The following COX15 variants were observed in gnomAD, a reference collection of about 807,000 sequenced individuals.
COX15 encodes the protein cytochrome c oxidase assembly factor COX15, also known as heme A synthase COX15.
COX15 carries 51 observed loss-of-function variants against 51.9 expected under a neutral mutation model. The observed-to-expected ratio is 0.98, with a 90% CI of 0.78 to 1.24. The LOEUF (loss-of-function observed/expected upper bound fraction) is 1.24. Ranked by LOEUF, COX15 falls within the 50% of genes most tolerant of loss-of-function variation. COX15 has a pLI of 0.00. For synonymous variants in COX15, 188 were observed against 190.5 expected, an observed-to-expected ratio of 0.99 and a Z score of 0.11; for missense variants, 420 against 501.1, an observed-to-expected ratio of 0.84 and a Z score of 1.55.
At chr10:99,728,027 G>C (rs1045560848) in intron 2 of COX15, among the ~76,000 whole-genome samples, 1 of 152,148 alleles carries the variant, frequency 6.6e-6, no homozygotes, top group Admixed American at 6.5e-5. Flanking sequence ...AAGGTATTTT[G>C]AAATAAGGGA....
chr10:99,703,687 T>A, the COX15 span, among the ~76,000 whole-genome samples: 1 of 152,156 alleles, frequency 6.6e-6, no homozygotes, highest in African/African-American at 2.4e-5. Context: ...TTTAGATATA[T>A]CCTAGATCCT....
the COX15 span, chr10:99,700,800 G>A: frequency 1.9e-4 from 126 of 661,156 alleles, 1 homozygote; most frequent in Non-Finnish European, 3.0e-4. Context: ...ATGGGATGAC[G>A]GGAATAAACA....
At chr10:99,719,173 T>G (rs1364982453) in intron 6 of COX15, among the ~76,000 whole-genome samples, 1 of 152,160 alleles carries the variant, frequency 6.6e-6, no homozygotes, top group Non-Finnish European at 1.5e-5. Flanking sequence ...TGATCCATTA[T>G]TTATTATCAA....
Position 99,713,494 on chromosome 10 carries a change from T to C in COX15, c.*1093A>G, listed in dbSNP as rs376504979. On this transcript the variant is annotated 3_prime_UTR_variant, in exon 9 of 9. Transcript: ENST00000016171. ...AAGACAGGGCCCTATGAAATATCAA[T>C]AGAGACCAAAATCACATTAATTCAG... 29 of 1,609,122 alleles carry C rather than the reference T, an allele frequency of 1.8e-5. No individual in the cohort carries two copies. Among genetic ancestry groups the C allele is most frequent in the Non-Finnish European group, 2.3e-5 (27 of 1,177,452 alleles).
intron 5 of COX15, 134 bp downstream of exon 5, chr10:99,723,822 G>T: frequency 5.3e-6 from 5 of 950,746 alleles, no homozygotes; most frequent in South Asian, 2.8e-5. Flanking sequence ...TTTTCAATTT[G>T]TTTCACCTTT....
chr10:99,710,692 C>T (rs1221558840), downstream of COX15: 2 of 985,242 alleles, frequency 2.0e-6, no homozygotes, highest in Admixed American at 6.1e-5. Flanking sequence ...TATAACCCAC[C>T]ATTCATCCCA....
At position 99,713,168 on chromosome 10, in the gene COX15, A is replaced by G; in HGVS notation, c.*1419T>C. Reference sequence around the variant, plus strand: ...GTACCACTAATTTTTCTGTTATCATATAATAACAACATGAATACTACTTGG... The same window carrying G: ...GTACCACTAATTTTTCTGTTATCATGTAATAACAACATGAATACTACTTGG... On this transcript the variant is annotated 3_prime_UTR_variant, in exon 9 of 9. Transcript: ENST00000016171. The G allele has an allele frequency of 7.4e-7, 1 of 1,359,366 alleles. No individual in the cohort carries two copies. Among genetic ancestry groups the G allele is most frequent in the Non-Finnish European group, 9.5e-7 (1 of 1,052,080 alleles). The allele number at this position is 1,359,366 out of a possible 1,614,324, so 84.2% of individuals were successfully genotyped here.
the COX15 span, among the ~76,000 whole-genome samples, chr10:99,701,277 G>A: frequency 7.7e-6 from 1 of 129,058 alleles, no homozygotes; most frequent in Non-Finnish European, 1.6e-5. Flanking sequence ...CAAGTGATTT[G>A]ACAACAAAAG....
At chr10:99,715,701 T>C (rs928636424) in intron 8 of COX15, among the ~76,000 whole-genome samples, 6 of 151,918 alleles carry the variant, frequency 3.9e-5, no homozygotes, top group African/African-American at 1.5e-4. Context: ...TGACTCATGC[T>C]CTCACCAGGA....
intron 8 of COX15, among the ~76,000 whole-genome samples, 169 bp from the exon 9 acceptor site, chr10:99,714,887 G>C (rs563465753): frequency 6.6e-6 from 1 of 152,096 alleles, no homozygotes; most frequent in Admixed American, 6.5e-5. Context: ...AAAGAAATTC[G>C]AACAAAATTG....
intron 8 of COX15, among the ~76,000 whole-genome samples, chr10:99,715,232 G>A (rs1317780288): frequency 6.6e-6 from 1 of 151,994 alleles, no homozygotes; most frequent in Non-Finnish European, 1.5e-5. Flanking sequence ...CCACTTCCAG[G>A]GCTCAAGCAA....
downstream of COX15, chr10:99,709,204 T>TTC: frequency 1.0e-6 from 1 of 985,446 alleles, no homozygotes; most frequent in Non-Finnish European, 1.2e-6. Context: ...AAGAACTTCG[T>TTC]TGTAATTCTT....
chr10:99,718,994 G>A (rs897358784), intron 6 of COX15, among the ~76,000 whole-genome samples: 1 of 152,034 alleles, frequency 6.6e-6, no homozygotes, highest in African/African-American at 2.4e-5. Context: ...TTTTCTTCAT[G>A]GCACTAAATA....
At chr10:99,729,813 C>T (rs180837299) in intron 1 of COX15, 79 bp from the exon 2 acceptor site, 41 of 1,379,520 alleles carry the variant, frequency 3.0e-5, no homozygotes, top group Middle Eastern at 2.1e-4. Context: ...TTCTGATTAG[C>T]GCGAAGTACC....
At position 99,716,450 on chromosome 10, in the gene COX15, T is replaced by C. The variant is rs1489030252; in HGVS notation, c.999A>G (p.Ser333=). The change falls in exon 8 of 9, where the codon TCA becomes TCG. Residue 333 remains serine (S), a synonymous_variant. Coordinates refer to ENST00000016171, the MANE Select transcript of COX15 (RefSeq NM_078470.6). ...QFDHRILGIT[S]VTAITVLYFL... ...AGTAGAGCACTGTAATGGCAGTGAC[T>C]GAAGTGATTCCCTGCAGGGAAGAAA... 7 of 1,610,736 alleles carry C rather than the reference T, an allele frequency of 4.3e-6. No individual in the cohort carries two copies. Among genetic ancestry groups the C allele is most frequent in the Non-Finnish European group, 5.9e-6 (7 of 1,177,090 alleles).
chr10:99,698,672 G>C, the COX15 span: 1 of 1,614,114 alleles, frequency 6.2e-7, no homozygotes, highest in Non-Finnish European at 8.5e-7. Context: ...TGTCTTGTGG[G>C]GCAATGCTGA....
rs1383351244 is a variant in COX15 at position 99,712,247 on chromosome 10, G to A, written c.*2340C>T. The stretch of plus-strand genomic sequence containing the variant: ...TGAGAATGGTACACTACAGGTCACA[G>A]AAACTTACAGAGTACTGGAGTTGAA... On this transcript the variant is annotated 3_prime_UTR_variant, in exon 9 of 9. Coordinates refer to ENST00000016171, the MANE Select transcript of COX15 (RefSeq NM_078470.6). The A allele has an allele frequency of 1.0e-6, 1 of 985,364 alleles. No individual in the cohort carries two copies. Among genetic ancestry groups the A allele is most frequent in the Non-Finnish European group, 1.2e-6 (1 of 829,992 alleles). 61.0% of individuals were successfully genotyped at this position (985,364 alleles called of 1,614,324 possible). A position where few individuals can be genotyped will look rare whatever the true frequency, so the allele number is the denominator to read the frequency against.
At chr10:99,729,924 T>C (rs569627668) in intron 1 of COX15, among the ~76,000 whole-genome samples, 190 bp from the exon 2 acceptor site, 1 of 152,320 alleles carries the variant, frequency 6.6e-6, no homozygotes, top group East Asian at 1.9e-4. Context: ...AAATCTAGCC[T>C]CACTCAAACC....
At chr10:99,716,982 G>A (rs79993387) in intron 7 of COX15, among the ~76,000 whole-genome samples, 2,115 of 152,040 alleles carry the variant, frequency 0.014, 54 homozygotes, top group African/African-American at 0.048. Flanking sequence ...CCTCTTCCAC[G>A]GTATCAGGGA....
Sources: allele counts gnomAD v4.1 joint callset (sites outside exome capture counted in the v4.1 genomes callset), GRCh38; gene constraint gnomAD v4.1.1; transcripts MANE v1.5; gene names NCBI Gene and HGNC (gene_info 2026-07-23, HGNC 2026-07-21).